TCF4: variants seen among roughly 807,000 people sequenced by gnomAD.
TCF4 encodes the protein transcription factor 4, also known as SL3-3 enhancer factor 2.
TCF4 carries 3 observed loss-of-function variants against 82.1 expected under a neutral mutation model. The observed-to-expected ratio is 0.04, with a 90% CI of 0.02 to 0.09. The LOEUF (loss-of-function observed/expected upper bound fraction) is 0.09, where lower values mean the gene tolerates loss of function less well. TCF4 is among the 10% of genes least tolerant of loss of function. The probability of loss-of-function intolerance (pLI) is 1.00; values close to 1 mark genes in which losing one functional copy is unlikely to be tolerated. For missense variants in TCF4, 518 were observed against 852.7 expected (o/e 0.61, Z 4.89); for synonymous variants, 276 against 309.6 (o/e 0.89, Z 1.14).
chr18:55,297,014 A>C (rs776343126), intron 8 of TCF4, among the ~76,000 whole-genome samples: 90 of 151,672 alleles, frequency 5.9e-4, no homozygotes, highest in African/African-American at 2.1e-3. Context: ...ACTTCTCTCT[A>C]TTTTTCAACC....
At chr18:55,481,787 A>T (rs1429109523) in intron 3 of TCF4, among the ~76,000 whole-genome samples, 1 of 152,200 alleles carries the variant, frequency 6.6e-6, no homozygotes, top group African/African-American at 2.4e-5. Context: ...TCCTTCCAAG[A>T]ATAATCCCTT....
At chr18:55,365,873 C>T (rs2086903064) in intron 6 of TCF4, among the ~76,000 whole-genome samples, 1 of 151,986 alleles carries the variant, frequency 6.6e-6, no homozygotes, top group African/African-American at 2.4e-5. Context: ...GCCTGGACAA[C>T]AAGAGCAAAA....
At chr18:55,413,437 G>A (rs918071666) in intron 5 of TCF4, among the ~76,000 whole-genome samples, 7 of 152,268 alleles carry the variant, frequency 4.6e-5, no homozygotes, top group Admixed American at 3.9e-4. Context: ...GAAGAATGAT[G>A]TTTTCCAGCC....
intron 3 of TCF4, among the ~76,000 whole-genome samples, chr18:55,503,040 T>A (rs971798687): frequency 6.8e-4 from 103 of 152,342 alleles, no homozygotes; most frequent in African/African-American, 2.4e-3. Context: ...TTTTGATTTA[T>A]CCTTATTCAT....
At chr18:55,615,389 G>C (rs2147970958) in intron 2 of TCF4, among the ~76,000 whole-genome samples, 1 of 151,368 alleles carries the variant, frequency 6.6e-6, no homozygotes, top group Non-Finnish European at 1.5e-5. Context: ...AAGTTATCTT[G>C]TATCCTGAAC....
chr18:55,386,863 G>A lies in TCF4; in HGVS notation c.369+16591C>T, dbSNP rs549611836. ...GTTCCTGAGCATTTCTGGGGAGACT[G>A]GAATATAAGGGGTGCTCCAGTTGAG... On this transcript the variant is annotated intron_variant, in intron 6 of 19. Coordinates refer to ENST00000354452, the MANE Select transcript of TCF4 (RefSeq NM_001083962.2). Among the ~76,000 whole-genome samples, 5 of 152,274 alleles carry A rather than the reference G, an allele frequency of 3.3e-5. No individual in the cohort carries two copies. In the South Asian group the frequency reaches 8.3e-4, roughly 25 times the overall value.
intron 3 of TCF4, among the ~76,000 whole-genome samples, chr18:55,470,297 T>C (rs1346317268): frequency 6.6e-6 from 1 of 152,222 alleles, no homozygotes. Flanking sequence ...GAGCCTTACA[T>C]TTTTATGACT....
intron 2 of TCF4, among the ~76,000 whole-genome samples, chr18:55,603,710 G>C (rs1454298894): frequency 2.0e-5 from 3 of 152,086 alleles, no homozygotes; most frequent in Admixed American, 2.0e-4. Flanking sequence ...ATTTAGAAGA[G>C]AGCTGCTATC....
intron 2 of TCF4, among the ~76,000 whole-genome samples, chr18:55,620,024 C>T (rs1252819808): frequency 1.3e-5 from 2 of 152,154 alleles, no homozygotes; most frequent in East Asian, 3.8e-4. Flanking sequence ...CCATGCTGTT[C>T]TCGTGACAGT....
At chr18:55,371,987 T>C (rs1348702812) in intron 6 of TCF4, among the ~76,000 whole-genome samples, 2 of 152,232 alleles carry the variant, frequency 1.3e-5, no homozygotes, top group South Asian at 2.1e-4. Context: ...AGTTTTCTAA[T>C]TTATAAAAGG....
chr18:55,273,650 C>G (rs2060855432), intron 10 of TCF4, among the ~76,000 whole-genome samples: 1 of 152,024 alleles, frequency 6.6e-6, no homozygotes, highest in African/African-American at 2.4e-5. Context: ...TCCTTTAAAA[C>G]AAAAACTCTA....
At chr18:55,553,455 T>C (rs912613657) in intron 3 of TCF4, 2 of 152,312 alleles carry the variant, frequency 1.3e-5, no homozygotes, top group Admixed American at 6.5e-5. Flanking sequence ...GAATACATAA[T>C]GATACAGGAT....
At chr18:55,252,668 A>G (rs1445028616) in intron 15 of TCF4, among the ~76,000 whole-genome samples, 14 of 152,184 alleles carry the variant, frequency 9.2e-5, no homozygotes, top group Admixed American at 9.2e-4. Context: ...ATATTTATGG[A>G]AAAAATAGTC....
intron 3 of TCF4, among the ~76,000 whole-genome samples, chr18:55,512,842 G>A (rs184772617): frequency 1.1e-4 from 16 of 152,250 alleles, no homozygotes; most frequent in African/African-American, 3.6e-4. Flanking sequence ...AGCATCATAA[G>A]ATCAACCTTG....
upstream of TCF4, chr18:55,588,257 G>A (rs1389806405): frequency 9.8e-6 from 14 of 1,425,254 alleles, no homozygotes; most frequent in Non-Finnish European, 1.3e-5. Flanking sequence ...GGAGGGGACG[G>A]AGGGAAGGGG....
At chr18:55,422,618 G>A (rs1228503699) in intron 5 of TCF4, 2 of 284,342 alleles carry the variant, frequency 7.0e-6, no homozygotes, top group African/African-American at 4.6e-5. Flanking sequence ...GGTGCTTTTA[G>A]TGTGTGTGTG....
chr18:55,528,638 A>C (rs2097021013), intron 3 of TCF4, among the ~76,000 whole-genome samples: 1 of 152,238 alleles, frequency 6.6e-6, no homozygotes, highest in Non-Finnish European at 1.5e-5. Flanking sequence ...AAATTGGACA[A>C]CACCAAAAAT....
intron 8 of TCF4, among the ~76,000 whole-genome samples, chr18:55,303,348 T>C (rs1261242): frequency 0.012 from 1,893 of 152,050 alleles, 43 homozygotes; most frequent in African/African-American, 0.042. Context: ...CTTTCCCTCC[T>C]GAAAGTTTAT....
chr18:55,630,317 C>T (rs998888886), intron 2 of TCF4, among the ~76,000 whole-genome samples: 3 of 152,088 alleles, frequency 2.0e-5, no homozygotes, highest in African/African-American at 7.2e-5. Flanking sequence ...ACTATAATGG[C>T]ACTAAGTTCT....
Sources: gnomAD v4.1 joint callset for allele counts (sites outside exome capture counted in the v4.1 genomes callset) on GRCh38, gnomAD v4.1.1 for gene constraint, MANE v1.5 for transcripts, NCBI Gene and HGNC (gene_info 2026-07-23, HGNC 2026-07-21) for gene names.